SLC4A4: variants seen among roughly 807,000 people sequenced by gnomAD.
SLC4A4 encodes the protein electrogenic sodium bicarbonate cotransporter 1.
A neutral mutation model predicts 111.5 loss-of-function variants in SLC4A4; 27 were observed. The observed-to-expected ratio is 0.24, with a 90% CI of 0.18 to 0.33. The LOEUF is 0.33. Among genes scored for constraint, SLC4A4 ranks in the 10% least tolerant of loss-of-function variants. SLC4A4 has a pLI of 1.00. For missense variants in SLC4A4, 909 were observed against 1,315.5 expected (o/e 0.69, Z 4.78); for synonymous variants, 443 against 463.4 (o/e 0.96, Z 0.57).
chr4:71,147,267 C>T (rs553227763), intron 2 of SLC4A4, among the ~76,000 whole-genome samples: 1 of 152,038 alleles, frequency 6.6e-6, no homozygotes, highest in Non-Finnish European at 1.5e-5. Context: ...TCAAATTTCT[C>T]CTCTTAAATT....
At chr4:71,122,040 C>T (rs932646300) in intron 2 of SLC4A4, among the ~76,000 whole-genome samples, 1 of 152,054 alleles carries the variant, frequency 6.6e-6, no homozygotes, top group Non-Finnish European at 1.5e-5. Flanking sequence ...AGCGAGACCA[C>T]GAACCCACCA....
chr4:71,086,500 T>C (rs746917596), intron 1 of SLC4A4, among the ~76,000 whole-genome samples: 18 of 152,120 alleles, frequency 1.2e-4, no homozygotes, highest in African/African-American at 4.1e-4. Context: ...AAAGGGAATG[T>C]TTCCAGTTTT....
chr4:71,162,918 T>A (rs1744648935), intron 2 of SLC4A4, among the ~76,000 whole-genome samples: 1 of 152,206 alleles, frequency 6.6e-6, no homozygotes. Flanking sequence ...TTGGGAACAT[T>A]CTTTTTCACT....
At chr4:71,444,379 T>A (rs1010212672) in intron 8 of SLC4A4, among the ~76,000 whole-genome samples, 9 of 152,184 alleles carry the variant, frequency 5.9e-5, no homozygotes, top group Admixed American at 1.3e-4. Flanking sequence ...TGAAGATTAT[T>A]CAGATAACTA....
At chr4:71,279,810 T>A (rs545304062) in intron 3 of SLC4A4, among the ~76,000 whole-genome samples, 1 of 152,268 alleles carries the variant, frequency 6.6e-6, no homozygotes, top group East Asian at 1.9e-4. Context: ...TTATTTATTT[T>A]TTTGAGATGG....
At chr4:71,350,659 C>A (rs886252773) in intron 5 of SLC4A4, among the ~76,000 whole-genome samples, 1 of 152,168 alleles carries the variant, frequency 6.6e-6, no homozygotes, top group East Asian at 1.9e-4. Flanking sequence ...GACAGCTAAT[C>A]TATTTCTTCC....
chr4:71,441,877 T>G (rs1261845552), intron 8 of SLC4A4, among the ~76,000 whole-genome samples: 1 of 152,234 alleles, frequency 6.6e-6, no homozygotes, highest in African/African-American at 2.4e-5. Flanking sequence ...GAGATGATCA[T>G]AGCTTATTCA....
chr4:71,499,221 G>C (rs1730686826), intron 16 of SLC4A4, among the ~76,000 whole-genome samples: 1 of 152,136 alleles, frequency 6.6e-6, no homozygotes, highest in Non-Finnish European at 1.5e-5. Flanking sequence ...AAGTAGAAAA[G>C]TGGAAAATTT....
In SLC4A4 at chr4:71,076,062, T is replaced by G. The variant is rs148316932; in HGVS notation, c.-65+13274T>G. ...CTTACCTATCTTACCCTACTTCATG[T>G]TTGCTTATTGTTTTTATCACAACCT... On this transcript the variant is annotated intron_variant, in intron 1 of 26. Transcript: ENST00000649996. 3.2e-3 allele frequency among the ~76,000 whole-genome samples: 494 copies of G among 152,226 alleles called. 3 individuals carry two copies. The highest frequency in any genetic ancestry group is 0.011 in the African/African-American group (450 of 41,540).
chr4:71,500,756 C>A (rs1365676005), intron 16 of SLC4A4, among the ~76,000 whole-genome samples: 1 of 152,288 alleles, frequency 6.6e-6, no homozygotes, highest in East Asian at 1.9e-4. Flanking sequence ...TTCTTGGCAT[C>A]TTTGTTGAAA....
chr4:71,121,970 C>T (rs1047821151), intron 2 of SLC4A4, among the ~76,000 whole-genome samples: 6 of 152,162 alleles, frequency 3.9e-5, no homozygotes, highest in Middle Eastern at 3.4e-3. Flanking sequence ...CAACTCCAGA[C>T]GCGCTTCCTT....
chr4:71,093,519 A>C (rs1742446526), intron 2 of SLC4A4, among the ~76,000 whole-genome samples: 1 of 152,188 alleles, frequency 6.6e-6, no homozygotes, highest in Non-Finnish European at 1.5e-5. Context: ...TTAAATCATA[A>C]ATAGTTAGGG....
Position 71,397,454 on chromosome 4 carries a change from A to G in SLC4A4, c.731-123A>G, listed in dbSNP as rs894596349. 4 of 857,164 alleles carry G rather than the reference A, an allele frequency of 4.7e-6. No individual in the cohort carries two copies. In the African/African-American group the frequency reaches 5.0e-5, roughly 11 times the overall value. 53.1% of individuals were successfully genotyped at this position (857,164 alleles called of 1,614,324 possible). The stretch of plus-strand genomic sequence containing the variant: ...CTGGAAAACTCTTCAGAAGAATCCT[A>G]GTGTGGTTAAAAGTATCATCACCAT... On this transcript the variant is annotated intron_variant, in intron 6 of 25. Transcript: ENST00000264485.
chr4:71,100,830 C>G (rs1414592613), intron 2 of SLC4A4, among the ~76,000 whole-genome samples: 1 of 152,168 alleles, frequency 6.6e-6, no homozygotes, highest in Non-Finnish European at 1.5e-5. Context: ...ATGAGGAAGA[C>G]AGTCCCATTC....
intron 1 of SLC4A4, among the ~76,000 whole-genome samples, chr4:71,214,593 G>A (rs549554737): frequency 5.9e-5 from 9 of 152,250 alleles, no homozygotes; most frequent in African/African-American, 2.2e-4. Flanking sequence ...GTTGAGTTCT[G>A]TGTTTATTTT....
At chr4:71,531,819 AGAGAGAGAAAGAGC>A (rs1231725537) in intron 16 of SLC4A4, among the ~76,000 whole-genome samples, 4 of 151,416 alleles carry the variant, frequency 2.6e-5, no homozygotes, top group African/African-American at 7.3e-5. Flanking sequence ...AGAGAGAGAG[AGAGAGAGAAAGAGC>A]GAGCGCAACC....
chr4:71,121,869 CT>C, intron 2 of SLC4A4, among the ~76,000 whole-genome samples: 1 of 152,142 alleles, frequency 6.6e-6, no homozygotes, highest in African/African-American at 2.4e-5. Context: ...AGCTGTAACA[CT>C]CACAACGAAT....
intron 7 of SLC4A4, among the ~76,000 whole-genome samples, chr4:71,423,174 A>G (rs561747148): frequency 1.1e-4 from 17 of 152,322 alleles, no homozygotes; most frequent in African/African-American, 3.8e-4. Context: ...AAAAATCACA[A>G]GCGTTCTTAT....
At chr4:71,081,193 A>G (rs751120011) in intron 1 of SLC4A4, among the ~76,000 whole-genome samples, 17 of 152,070 alleles carry the variant, frequency 1.1e-4, no homozygotes, top group Non-Finnish European at 1.9e-4. Context: ...AAAAGCATTC[A>G]CATCTTAATG....
Sources: allele counts gnomAD v4.1 joint callset (sites outside exome capture counted in the v4.1 genomes callset), GRCh38; gene constraint gnomAD v4.1.1; transcripts MANE v1.5; gene names NCBI Gene and HGNC (gene_info 2026-07-23, HGNC 2026-07-21).